The following RPH3A variants were observed in gnomAD, a reference collection of about 807,000 sequenced individuals.
RPH3A encodes rabphilin 3A.
Under a neutral mutation model 102.2 loss-of-function variants are expected in RPH3A, and 48 were observed. The observed-to-expected ratio is 0.47, with a 90% CI of 0.37 to 0.60. The LOEUF (loss-of-function observed/expected upper bound fraction) is 0.60. Ranked by LOEUF, RPH3A falls within the 20% of genes least tolerant of loss-of-function variation. The pLI is 0.00. For missense variants in RPH3A, 781 were observed against 910.1 expected (o/e 0.86, Z 1.83); for synonymous variants, 310 against 324.3 (o/e 0.96, Z 0.47).
intron 2 of RPH3A, among the ~76,000 whole-genome samples, chr12:112,818,124 C>A (rs2041710214): frequency 6.7e-6 from 1 of 150,342 alleles, no homozygotes; most frequent in African/African-American, 2.4e-5. Flanking sequence ...CATGGTGAAA[C>A]CCCGTCTCTA....
chr12:112,675,644 G>C (rs960870532), intron 1 of RPH3A, among the ~76,000 whole-genome samples: 12 of 152,164 alleles, frequency 7.9e-5, no homozygotes, highest in Non-Finnish European at 1.8e-4. Context: ...AAGTTTGTTT[G>C]GGAAGGTTTT....
chr12:112,863,875 G>A (rs1006422739), intron 5 of RPH3A, among the ~76,000 whole-genome samples: 10 of 152,300 alleles, frequency 6.6e-5, no homozygotes, highest in African/African-American at 1.4e-4. Flanking sequence ...AGCTGCTCTC[G>A]TTCATTCATT....
intron 1 of RPH3A, among the ~76,000 whole-genome samples, chr12:112,696,110 T>C (rs4766989): frequency 0.25 from 38,541 of 152,144 alleles, 5,234 homozygotes; most frequent in South Asian, 0.37. Flanking sequence ...TCCTGAGTTA[T>C]TTCACTTAGA....
At chr12:112,631,349 C>G (rs1360766608) in intron 1 of RPH3A, among the ~76,000 whole-genome samples, 2 of 152,120 alleles carry the variant, frequency 1.3e-5, no homozygotes, top group Admixed American at 6.5e-5. Context: ...TCGGCAATTT[C>G]TGTTGTCCTC....
intron 1 of RPH3A, among the ~76,000 whole-genome samples, chr12:112,677,415 CTCCTTCCTTCCTTCCTTCCTTCCT>C (rs879603208): frequency 2.7e-4 from 9 of 33,274 alleles, no homozygotes; most frequent in Admixed American, 7.0e-4. Context: ...CCCTCCTTCC[CTCCTTCCTTCCTTCCTTCCTTCCT>C]TCCTTCCTTC....
intron 1 of RPH3A, among the ~76,000 whole-genome samples, chr12:112,611,002 C>A (rs768109231): frequency 2.0e-5 from 3 of 152,168 alleles, no homozygotes; most frequent in Admixed American, 1.3e-4. Context: ...AATGTAAATT[C>A]TTTGAGGACA....
At chr12:112,712,998 C>T (rs1382000250) in intron 1 of RPH3A, among the ~76,000 whole-genome samples, 1 of 74,006 alleles carries the variant, frequency 1.4e-5, no homozygotes, top group Non-Finnish European at 2.6e-5. Flanking sequence ...TCTTTGTCTT[C>T]CTCTTCCTCT....
At chr12:112,675,421 A>G (rs1175716945) in intron 1 of RPH3A, among the ~76,000 whole-genome samples, 1 of 152,196 alleles carries the variant, frequency 6.6e-6, no homozygotes, top group Non-Finnish European at 1.5e-5. Context: ...ACTGGGTACC[A>G]GCAACGGTGC....
chr12:112,888,104 C>G (rs928137963), intron 17 of RPH3A, among the ~76,000 whole-genome samples, 181 bp downstream of exon 17: 5 of 152,224 alleles, frequency 3.3e-5, no homozygotes, highest in Non-Finnish European at 7.3e-5. Context: ...CTCTCTCTGC[C>G]TTTCACAAAC....
At chr12:112,707,385 A>C (rs2040433420) in intron 1 of RPH3A, among the ~76,000 whole-genome samples, 2 of 152,154 alleles carry the variant, frequency 1.3e-5, no homozygotes, top group African/African-American at 4.8e-5. Context: ...GACTTCTCAC[A>C]CCAACCCCTT....
At chr12:112,738,417 T>A (rs559910510) in intron 1 of RPH3A, among the ~76,000 whole-genome samples, 3 of 152,158 alleles carry the variant, frequency 2.0e-5, no homozygotes, top group Non-Finnish European at 4.4e-5. Context: ...GTCCTCATCT[T>A]AACTAATGAC....
At chr12:112,855,269 C>T (rs954516728) in intron 5 of RPH3A, among the ~76,000 whole-genome samples, 1 of 152,224 alleles carries the variant, frequency 6.6e-6, no homozygotes, top group South Asian at 2.1e-4. Context: ...TAGAGCTTCT[C>T]TCCCAGATTG....
At position 112,836,438 on chromosome 12, in the gene RPH3A, C is replaced by T. The variant is rs2042052408; in HGVS notation, c.72-53C>T. The T allele has an allele frequency of 1.1e-5, 13 of 1,131,102 alleles. No homozygotes were observed. In the South Asian group the frequency reaches 1.8e-4, roughly 15 times the overall value. 70.1% of individuals were successfully genotyped at this position (1,131,102 alleles called of 1,614,324 possible). Reference sequence around the variant, plus strand: ...GACAGTGTAGATATTGTTATGATTTCTTACCTAACTTTATTCATTTTTTCT... The same window carrying T: ...GACAGTGTAGATATTGTTATGATTTTTTACCTAACTTTATTCATTTTTTCT... On this transcript the variant is annotated intron_variant, in intron 3 of 21. Transcript: ENST00000389385.
intron 1 of RPH3A, among the ~76,000 whole-genome samples, chr12:112,751,229 G>A (rs2040784134): frequency 6.6e-6 from 1 of 152,246 alleles, no homozygotes; most frequent in Admixed American, 6.5e-5. Context: ...AAGTGAGGAT[G>A]TGGGCTTCAT....
intron 1 of RPH3A, among the ~76,000 whole-genome samples, chr12:112,695,985 C>A (rs2040348799): frequency 6.6e-6 from 1 of 152,144 alleles, no homozygotes; most frequent in Non-Finnish European, 1.5e-5. Context: ...TTATCCCTCA[C>A]CCCCTCCCAA....
chr12:112,628,621 G>C (rs921044425), intron 1 of RPH3A, among the ~76,000 whole-genome samples: 3 of 145,518 alleles, frequency 2.1e-5, no homozygotes, highest in Admixed American at 1.4e-4. Context: ...TCAGCAGGGT[G>C]GGGTGGTGCA....
At chr12:112,779,150 A>G (rs1372681905) in intron 1 of RPH3A, among the ~76,000 whole-genome samples, 1 of 152,172 alleles carries the variant, frequency 6.6e-6, no homozygotes, top group African/African-American at 2.4e-5. Flanking sequence ...ATGGGAGAAA[A>G]TAGGGAGGTG....
intron 1 of RPH3A, among the ~76,000 whole-genome samples, chr12:112,612,839 G>T (rs997502894): frequency 6.6e-6 from 1 of 151,948 alleles, no homozygotes; most frequent in Non-Finnish European, 1.5e-5. Context: ...GCTTCCCAAA[G>T]TGTTGGGATT....
chr12:112,882,058 G>A (rs2042923596), intron 15 of RPH3A, among the ~76,000 whole-genome samples: 2 of 152,152 alleles, frequency 1.3e-5, no homozygotes, highest in South Asian at 2.1e-4. Context: ...CTCCAACTCA[G>A]AAACCTGGGA....
Sources: gnomAD v4.1 joint callset for allele counts (sites outside exome capture counted in the v4.1 genomes callset) on GRCh38, gnomAD v4.1.1 for gene constraint, MANE v1.5 for transcripts, NCBI Gene and HGNC (gene_info 2026-07-23, HGNC 2026-07-21) for gene names.